AGAP1: variants seen among roughly 807,000 people sequenced by gnomAD.
The protein encoded by AGAP1 is arf-GAP with GTPase, ANK repeat and PH domain-containing protein 1.
AGAP1 carries 29 observed loss-of-function variants against 105.3 expected under a neutral mutation model. The observed-to-expected ratio is 0.28, with a 90% CI of 0.21 to 0.38. The LOEUF is 0.38. Ranked by LOEUF, AGAP1 falls within the 10% of genes least tolerant of loss-of-function variation. The probability of loss-of-function intolerance (pLI) is 1.00; values close to 1 mark genes in which losing one functional copy is unlikely to be tolerated. For synonymous variants in AGAP1, 509 were observed against 485.9 expected (o/e 1.05, Z -0.63); for missense variants, 998 against 1,165.1 (o/e 0.86, Z 2.09).
chr2:235,962,699 A>G lies in AGAP1; in HGVS notation c.1484-5763A>G, dbSNP rs1021892079. Among the ~76,000 whole-genome samples the G allele has an allele frequency of 6.6e-6, 1 of 152,204 alleles. No individual in the cohort carries two copies. The highest frequency in any genetic ancestry group is 2.4e-5 in the African/African-American group (1 of 41,458). ...GGACACCCAGGAGGCTGAGATGCAGACAGACCAAAATTCCAAAGGAGGTGT... is the reference window on the plus strand; with the variant it reads ...GGACACCCAGGAGGCTGAGATGCAGGCAGACCAAAATTCCAAAGGAGGTGT... On this transcript the variant is annotated intron_variant, in intron 12 of 17. Coordinates refer to ENST00000304032, the MANE Select transcript of AGAP1 (RefSeq NM_001037131.3). The surrounding 1 kb of genome is among the most constrained non-coding windows in gnomAD (Gnocchi z 5.3).
At chr2:235,742,886 G>T (rs1037946960) in intron 4 of AGAP1, among the ~76,000 whole-genome samples, 1 of 152,198 alleles carries the variant, frequency 6.6e-6, no homozygotes, top group Non-Finnish European at 1.5e-5. Context: ...TACAGAAGAG[G>T]CTAGGTGCAG....
chr2:235,772,763 A>C (rs1263405417), intron 6 of AGAP1, among the ~76,000 whole-genome samples: 1 of 152,220 alleles, frequency 6.6e-6, no homozygotes, highest in Non-Finnish European at 1.5e-5. Context: ...CAGCCTTCAC[A>C]TGGAACCAGC....
intron 1 of AGAP1, among the ~76,000 whole-genome samples, chr2:235,512,877 T>G (rs1030924817): frequency 6.6e-6 from 1 of 152,184 alleles, no homozygotes; most frequent in Non-Finnish European, 1.5e-5. Flanking sequence ...TTCTTTTAAG[T>G]GCTTTGGATG....
rs2050113101 is a variant in AGAP1 at position 235,883,121 on chromosome 2, T to C, written c.1051-224T>C. Among the ~76,000 whole-genome samples the C allele has an allele frequency of 6.6e-6, 1 of 152,156 alleles. No homozygotes were observed. Among genetic ancestry groups the C allele is most frequent in the South Asian group, 2.1e-4 (1 of 4,824 alleles). On this transcript the variant is annotated intron_variant, in intron 9 of 17. Transcript: ENST00000304032. The surrounding 1 kb of genome is among the most constrained non-coding windows in gnomAD (Gnocchi z 4.5). ...TTAAAACATTATACCTTTAGGTGTT[T>C]CCTGTGTGTTTAGCAGTTAATTATC...
chr2:235,626,402 C>T (rs1396426482), intron 1 of AGAP1, among the ~76,000 whole-genome samples: 14 of 152,194 alleles, frequency 9.2e-5, no homozygotes, highest in Admixed American at 9.2e-4. Flanking sequence ...CCCTCATAAG[C>T]TTGCTTGTTC....
At chr2:235,786,676 G>C (rs1956658476) in intron 6 of AGAP1, among the ~76,000 whole-genome samples, 1 of 152,148 alleles carries the variant, frequency 6.6e-6, no homozygotes, top group South Asian at 2.1e-4. Context: ...CATTTTTCTG[G>C]AAAATGAAAA....
chr2:236,018,716 A>G (rs894032425), intron 13 of AGAP1, among the ~76,000 whole-genome samples: 13 of 152,194 alleles, frequency 8.5e-5, no homozygotes, highest in Non-Finnish European at 1.6e-4. Flanking sequence ...AGGTGATGAC[A>G]CTTGCATCCA....
At chr2:235,536,677 A>ACC (rs1470560726) in intron 1 of AGAP1, among the ~76,000 whole-genome samples, 35 of 116,044 alleles carry the variant, frequency 3.0e-4, no homozygotes, top group Non-Finnish European at 5.4e-4. Context: ...ACACACACAC[A>ACC]CCCCTTGCTT....
intron 1 of AGAP1, among the ~76,000 whole-genome samples, chr2:235,565,557 T>C (rs1464860751): frequency 6.6e-6 from 1 of 152,244 alleles, no homozygotes; most frequent in Non-Finnish European, 1.5e-5. Context: ...TGAATGTTAT[T>C]ATGAAGGTGC....
Position 235,553,662 on chromosome 2 carries a change from A to G in AGAP1, c.163+58813A>G, listed in dbSNP as rs975963166. ...GGTACAGTTTACGTCTGGAGCCAGC[A>G]TTTGGAAAGTTGCCTCCAGGGCCCT... On this transcript the variant is annotated intron_variant, in intron 1 of 17. Coordinates refer to ENST00000304032, the MANE Select transcript of AGAP1 (RefSeq NM_001037131.3). The surrounding 1 kb of genome is among the most constrained non-coding windows in gnomAD (Gnocchi z 4.5). Among the ~76,000 whole-genome samples the G allele has an allele frequency of 1.9e-4, 29 of 152,170 alleles. No individual in the cohort carries two copies. Among genetic ancestry groups the G allele is most frequent in the Non-Finnish European group, 3.5e-4 (24 of 68,012 alleles).
chr2:235,532,104 G>A (rs1943063627), intron 1 of AGAP1, among the ~76,000 whole-genome samples: 1 of 152,230 alleles, frequency 6.6e-6, no homozygotes, highest in Non-Finnish European at 1.5e-5. Context: ...TTATCAATGT[G>A]TTATATGCAA....
chr2:235,533,637 T>G (rs980410351), intron 1 of AGAP1, among the ~76,000 whole-genome samples: 18 of 152,270 alleles, frequency 1.2e-4, no homozygotes, highest in African/African-American at 3.9e-4. Context: ...TCTATTTTTT[T>G]GGGTCTTTGT....
intron 12 of AGAP1, among the ~76,000 whole-genome samples, chr2:235,947,376 T>C (rs2053546012): frequency 6.6e-6 from 1 of 152,246 alleles, no homozygotes; most frequent in Admixed American, 6.5e-5. Context: ...TCTCCAAATC[T>C]GCCCAGGTTG....
chr2:235,666,317 C>G (rs1012395480), intron 1 of AGAP1, among the ~76,000 whole-genome samples: 1 of 152,030 alleles, frequency 6.6e-6, no homozygotes, highest in Non-Finnish European at 1.5e-5. Context: ...GCCACCTGAA[C>G]ATATATAGTA....
chr2:236,097,549 C>T (rs748664113), intron 16 of AGAP1, among the ~76,000 whole-genome samples: 10 of 151,894 alleles, frequency 6.6e-5, no homozygotes, highest in Non-Finnish European at 8.8e-5. Flanking sequence ...TGTGCCACCA[C>T]ACCCAGCTAA....
At position 235,923,510 on chromosome 2, in the gene AGAP1, CCCCCA is replaced by C. The variant is rs80032387; in HGVS notation, c.1325-7238_1325-7234del. Among the ~76,000 whole-genome samples the C allele has an allele frequency of 2.0e-3, 265 of 133,354 alleles. 5 individuals are homozygous for C. The highest frequency in any genetic ancestry group is 7.4e-3 in the African/African-American group (249 of 33,752). 87.5% of individuals were successfully genotyped at this position (133,354 alleles called of 152,430 possible). On this transcript the variant is annotated intron_variant, in intron 11 of 17. Coordinates refer to ENST00000304032, the MANE Select transcript of AGAP1 (RefSeq NM_001037131.3). ...CATGGACCCCTTCCTGTCCCGTGCA[CCCCCA>C]CCCCACCCCACCCCACTCACAAGGG...
chr2:235,878,690 C>T (rs973064050), intron 9 of AGAP1, among the ~76,000 whole-genome samples: 1 of 152,236 alleles, frequency 6.6e-6, no homozygotes, highest in South Asian at 2.1e-4. Flanking sequence ...CATCTGCTCT[C>T]ACTCCAAGCT....
intron 16 of AGAP1, among the ~76,000 whole-genome samples, chr2:236,097,594 T>C (rs1377399196): frequency 1.3e-5 from 2 of 151,972 alleles, no homozygotes; most frequent in Non-Finnish European, 2.9e-5. Context: ...GGTTTCACCA[T>C]GTTGGCCAGG....
chr2:236,021,951 C>A (rs1409280819), intron 13 of AGAP1, among the ~76,000 whole-genome samples: 1 of 147,326 alleles, frequency 6.8e-6, no homozygotes, highest in South Asian at 2.2e-4. Flanking sequence ...CCCAGCTACT[C>A]GGGAGGCTGA....
Sources: allele counts gnomAD v4.1 joint callset (sites outside exome capture counted in the v4.1 genomes callset), GRCh38; gene constraint gnomAD v4.1.1; non-coding constraint Gnocchi (gnomAD v3.1); transcripts MANE v1.5; gene names NCBI Gene and HGNC (gene_info 2026-07-23, HGNC 2026-07-21).